Variants in RIN2 observed in about 807,000 individuals in gnomAD.
RIN2 encodes the protein RAB5 interacting protein 2.
RIN2 carries 36 observed loss-of-function variants against 78.0 expected under a neutral mutation model. The ratio of observed to expected loss-of-function variants is 0.46; its 90% CI spans 0.35 to 0.61. The LOEUF (loss-of-function observed/expected upper bound fraction) is 0.61. RIN2 is among the 20% of genes least tolerant of loss of function. The pLI is 0.00. For missense variants in RIN2, 1,087 were observed against 1,159.7 expected (o/e 0.94, Z 0.91); for synonymous variants, 466 against 466.8 (o/e 1.00, Z 0.02).
chr20:19,759,813 G>A (rs531040272), intron 1 of RIN2, among the ~76,000 whole-genome samples: 3 of 152,170 alleles, frequency 2.0e-5, no homozygotes, highest in South Asian at 2.1e-4. Context: ...GCAGTAAGCC[G>A]ACATTGTGCC....
intron 2 of RIN2, among the ~76,000 whole-genome samples, chr20:19,835,095 AAG>A (rs1490069043): frequency 2.9e-5 from 4 of 136,684 alleles, no homozygotes; most frequent in African/African-American, 1.0e-4. Flanking sequence ...GAGAAAAAGA[AAG>A]AAGAAAGAAA....
At chr20:19,852,972 G>T (rs183949535) in intron 2 of RIN2, among the ~76,000 whole-genome samples, 62 of 151,500 alleles carry the variant, frequency 4.1e-4, no homozygotes, top group African/African-American at 1.4e-3. Flanking sequence ...CCATGTTGGT[G>T]TGCTGCACCC....
At chr20:19,839,753 C>T (rs1317929441) in intron 2 of RIN2, among the ~76,000 whole-genome samples, 1 of 152,206 alleles carries the variant, frequency 6.6e-6, no homozygotes, top group African/African-American at 2.4e-5. Flanking sequence ...GCAAGGTCCT[C>T]CCCTTTCCCA....
chr20:19,961,539 T>C (rs2146261390), intron 6 of RIN2, among the ~76,000 whole-genome samples: 1 of 152,006 alleles, frequency 6.6e-6, no homozygotes, highest in Middle Eastern at 3.4e-3. Context: ...AGGAGAGAGC[T>C]CAGAAGCAAG....
intron 3 of RIN2, among the ~76,000 whole-genome samples, chr20:19,931,970 C>G (rs2040459416): frequency 6.6e-6 from 1 of 152,156 alleles, no homozygotes; most frequent in Non-Finnish European, 1.5e-5. Flanking sequence ...GTATCTTTAA[C>G]CCTACAAGAT....
At chr20:19,800,495 G>T (rs970085960) in intron 2 of RIN2, among the ~76,000 whole-genome samples, 1 of 152,208 alleles carries the variant, frequency 6.6e-6, no homozygotes, top group Non-Finnish European at 1.5e-5. Flanking sequence ...GATTAGCAAA[G>T]GTGACGGGGC....
chr20:19,932,185 G>A (rs767900295), intron 3 of RIN2, among the ~76,000 whole-genome samples: 9 of 152,180 alleles, frequency 5.9e-5, no homozygotes, highest in South Asian at 2.1e-4. Context: ...TCTTGGTAGC[G>A]GGTTAGTTTT....
chr20:19,941,638 G>A (rs528381883), intron 4 of RIN2, among the ~76,000 whole-genome samples: 3 of 152,146 alleles, frequency 2.0e-5, no homozygotes, highest in South Asian at 2.1e-4. Flanking sequence ...GACATTTTCC[G>A]GCTATGTCAC....
At chr20:19,766,376 G>A (rs968954429) in intron 1 of RIN2, among the ~76,000 whole-genome samples, 32 of 152,130 alleles carry the variant, frequency 2.1e-4, no homozygotes, top group African/African-American at 7.7e-4. Context: ...TTTAAACTGT[G>A]CTTCCATGGG....
chr20:19,969,792 C>T lies in RIN2; in HGVS notation c.537-1046C>T, dbSNP rs112410070. Among the ~76,000 whole-genome samples the T allele has an allele frequency of 7.5e-4, 114 of 152,194 alleles. 1 individual carries two copies. The highest frequency in any genetic ancestry group is 2.7e-3 in the African/African-American group (112 of 41,486). On this transcript the variant is annotated intron_variant, in intron 7 of 12. Coordinates refer to ENST00000255006, the MANE Select transcript of RIN2 (RefSeq NM_018993.4). Reference sequence around the variant, plus strand: ...AAAACAAACAAACAAACAAACCCTCCTTTTTGATTAAGTCACCATATTTAT... The same window carrying T: ...AAAACAAACAAACAAACAAACCCTCTTTTTTGATTAAGTCACCATATTTAT...
At chr20:19,868,591 A>G (rs2037581913) in intron 2 of RIN2, among the ~76,000 whole-genome samples, 1 of 152,106 alleles carries the variant, frequency 6.6e-6, no homozygotes, top group South Asian at 2.1e-4. Flanking sequence ...GACCGTGAAC[A>G]TTCGACAACA....
chr20:19,876,929 CA>C (rs908857396), intron 2 of RIN2, among the ~76,000 whole-genome samples: 5 of 150,036 alleles, frequency 3.3e-5, no homozygotes, highest in African/African-American at 1.2e-4. Context: ...AACAAACAAA[CA>C]AAAAAAACAA....
At chr20:19,862,408 ATG>A (rs1490710927) in intron 2 of RIN2, among the ~76,000 whole-genome samples, 1 of 152,144 alleles carries the variant, frequency 6.6e-6, no homozygotes, top group African/African-American at 2.4e-5. Context: ...CCTGGCCAAC[ATG>A]GTGAAACCCT....
intron 2 of RIN2, chr20:19,886,609 C>CTTCTTTTTTTTTTTTTTTTTTTTT: frequency 1.3e-6 from 1 of 776,472 alleles, no homozygotes; most frequent in Non-Finnish European, 2.0e-6. Flanking sequence ...TCTTCTTCTT[C>CTTCTTTTTTTTTTTTTTTTTTTTT]TTCTTTTTTT....
chr20:19,769,041 C>T (rs1176049748), intron 1 of RIN2, among the ~76,000 whole-genome samples: 1 of 151,752 alleles, frequency 6.6e-6, no homozygotes, highest in Admixed American at 6.6e-5. Context: ...CCTGCCTCAG[C>T]CTCCTGAGTA....
At chr20:19,909,056 G>A (rs1055592461) in intron 3 of RIN2, among the ~76,000 whole-genome samples, 6 of 152,140 alleles carry the variant, frequency 3.9e-5, no homozygotes, top group African/African-American at 1.4e-4. Context: ...TAGAGACTGG[G>A]TTTTGCCATG....
Position 19,957,672 on chromosome 20 carries a change from GT to G in RIN2, c.351+866del, listed in dbSNP as rs201851307. On this transcript the variant is annotated intron_variant, in intron 5 of 12. Coordinates refer to ENST00000255006, the MANE Select transcript of RIN2 (RefSeq NM_018993.4). ...AGTCTGGGCGACAGAGCAAGAATCT[GT>G]CCCCCCCAAAAAAAAAAAGTGATTG... is the stretch of plus-strand genomic sequence containing the variant. Among the ~76,000 whole-genome samples, 354 of 143,774 alleles carry G rather than the reference GT, an allele frequency of 2.5e-3. 1 individual carries two copies. Among genetic ancestry groups the G allele is most frequent in the African/African-American group, 8.4e-3 (342 of 40,564 alleles). The allele number at this position is 143,774 out of a possible 152,430, so 94.3% of individuals were successfully genotyped here.
rs779518301 is a variant in RIN2, at chr20:19,807,333, T to C, written c.-37+7586T>C. The stretch of plus-strand genomic sequence containing the variant: ...AATCTACCATGCTTCCTCTATCTTA[T>C]GCCAAATTGGGCAAACATGATGTGA... On this transcript the variant is annotated intron_variant, in intron 2 of 12. Transcript: ENST00000255006. Among the ~76,000 whole-genome samples the C allele has an allele frequency of 3.3e-5, 5 of 152,348 alleles. No individual in the cohort carries two copies. The East Asian group carries it at 7.7e-4, about 23-fold the overall frequency.
In RIN2 at chr20:20,001,071, G is replaced by A; in HGVS notation, c.*135G>A. ...AGTGTAGTGACTAAGCCATCCACAG[G>A]CCAACTCGGCCAAGGGCAACTTTAG... On this transcript the variant is annotated 3_prime_UTR_variant, in exon 13 of 13. Coordinates refer to ENST00000255006, the MANE Select transcript of RIN2 (RefSeq NM_018993.4). 2 of 772,772 alleles carry A rather than the reference G, an allele frequency of 2.6e-6. No homozygotes were observed. Among genetic ancestry groups the A allele is most frequent in the South Asian group, 2.1e-5 (1 of 48,546 alleles). 47.9% of individuals were successfully genotyped at this position (772,772 alleles called of 1,614,324 possible).
Sources: allele counts gnomAD v4.1 joint callset (sites outside exome capture counted in the v4.1 genomes callset), GRCh38; gene constraint gnomAD v4.1.1; transcripts MANE v1.5; gene names NCBI Gene and HGNC (gene_info 2026-07-23, HGNC 2026-07-21).